The following MYZAP variants were observed in gnomAD, a reference collection of about 807,000 sequenced individuals.
MYZAP encodes myocardial zonula adherens protein.
Under a neutral mutation model 69.4 loss-of-function variants are expected in MYZAP, and 66 were observed. The ratio of observed to expected loss-of-function variants is 0.95; its 90% CI spans 0.78 to 1.17. The LOEUF (loss-of-function observed/expected upper bound fraction) is 1.17, where lower values mean the gene tolerates loss of function less well. Ranked by LOEUF, MYZAP falls within the 50% of genes most tolerant of loss-of-function variation. The pLI is 0.00. For synonymous variants in MYZAP, 256 were observed against 205.9 expected (o/e 1.24, Z -2.09); for missense variants, 611 against 556.2 (o/e 1.10, Z -0.99).
At chr15:57,599,036 T>C (rs778681564) in intron 1 of MYZAP, among the ~76,000 whole-genome samples, 7 of 152,234 alleles carry the variant, frequency 4.6e-5, no homozygotes, top group Non-Finnish European at 1.0e-4. Context: ...TACAGAGTGC[T>C]TAATGCGTGC....
chr15:57,657,980 G>A lies in MYZAP; in HGVS notation c.1120-3470G>A, dbSNP rs117949638. Among the ~76,000 whole-genome samples, 154 of 152,252 alleles carry A rather than the reference G, an allele frequency of 1.0e-3. 3 individuals are homozygous for A. In the East Asian group the frequency reaches 0.028, roughly 28 times the overall value. ...GGGTAACCATTGCTGTTTTTAATTG[G>A]TGATGTCTTTAACTATTATTAACAT... On this transcript the variant is annotated intron_variant, in intron 10 of 12. Coordinates refer to ENST00000267853, the MANE Select transcript of MYZAP (RefSeq NM_001018100.5).
chr15:57,594,203 C>A (rs1381737784), intron 1 of MYZAP, among the ~76,000 whole-genome samples: 1 of 152,180 alleles, frequency 6.6e-6, no homozygotes, highest in Non-Finnish European at 1.5e-5. Flanking sequence ...GCAGCCTCCA[C>A]CTCCCAGGTT....
chr15:57,680,567 T>C (rs2039384353), intron 12 of MYZAP: 1 of 152,066 alleles, frequency 6.6e-6, no homozygotes, highest in Non-Finnish European at 1.5e-5. Flanking sequence ...AAAACTTTGA[T>C]ATATGTTAAT....
chr15:57,667,025 A>C (rs1467249778), intron 11 of MYZAP, among the ~76,000 whole-genome samples: 8 of 152,118 alleles, frequency 5.3e-5, no homozygotes, highest in Non-Finnish European at 8.8e-5. Flanking sequence ...ATTTCGTTAC[A>C]CTTTTCTCTG....
intron 3 of MYZAP, among the ~76,000 whole-genome samples, chr15:57,619,961 T>A (rs1367222382): frequency 6.6e-6 from 1 of 152,094 alleles, no homozygotes; most frequent in Non-Finnish European, 1.5e-5. Context: ...AAACTAACTT[T>A]CAGGTCCCTC....
At chr15:57,643,161 A>G (rs767596675) in intron 10 of MYZAP, among the ~76,000 whole-genome samples, 3 of 152,218 alleles carry the variant, frequency 2.0e-5, no homozygotes, top group African/African-American at 4.8e-5. Flanking sequence ...CGGAAAATAT[A>G]GAAAAATGCC....
chr15:57,596,577 A>G (rs1410964785), intron 1 of MYZAP, among the ~76,000 whole-genome samples: 2 of 152,122 alleles, frequency 1.3e-5, no homozygotes, highest in Admixed American at 1.3e-4. Flanking sequence ...TTTCACTCTT[A>G]AAGGCCGGGG....
At chr15:57,618,401 TG>T (rs2035609381) in intron 3 of MYZAP, among the ~76,000 whole-genome samples, 1 of 152,236 alleles carries the variant, frequency 6.6e-6, no homozygotes, top group South Asian at 2.1e-4. Context: ...TTCTGCTGGA[TG>T]GATGTTACTA....
At chr15:57,651,283 G>C (rs1233020831) in intron 10 of MYZAP, among the ~76,000 whole-genome samples, 8 of 152,160 alleles carry the variant, frequency 5.3e-5, no homozygotes, top group Admixed American at 5.2e-4. Context: ...TCACTCCCTT[G>C]GACACTCCTG....
At chr15:57,666,388 CT>C (rs1441990982) in intron 11 of MYZAP, among the ~76,000 whole-genome samples, 1 of 152,162 alleles carries the variant, frequency 6.6e-6, no homozygotes, top group African/African-American at 2.4e-5. Flanking sequence ...CTCTAGAACC[CT>C]TCTTCTTTTC....
intron 7 of MYZAP, among the ~76,000 whole-genome samples, chr15:57,633,257 A>G (rs1431942507): frequency 5.3e-5 from 8 of 152,210 alleles, no homozygotes; most frequent in Admixed American, 2.6e-4. Context: ...TCTGCATTCA[A>G]TTCCAGATCT....
At chr15:57,646,286 A>G (rs1418552749) in intron 10 of MYZAP, 2 of 1,269,622 alleles carry the variant, frequency 1.6e-6, no homozygotes, top group African/African-American at 3.1e-5. Flanking sequence ...GGTGGTATTT[A>G]TCTATGATGA....
At chr15:57,600,741 C>A (rs1383398855) in intron 1 of MYZAP, among the ~76,000 whole-genome samples, 2 of 152,166 alleles carry the variant, frequency 1.3e-5, no homozygotes, top group Admixed American at 1.3e-4. Context: ...CTAAGCAGGT[C>A]TGTTTCATTT....
rs189738283 is a variant in MYZAP at position 57,635,447 on chromosome 15, T to C, written c.933+1706T>C. On this transcript the variant is annotated intron_variant, in intron 8 of 12. Coordinates refer to ENST00000267853, the MANE Select transcript of MYZAP (RefSeq NM_001018100.5). Reference sequence around the variant, plus strand: ...TGAGGTTCTGAAAGTTTCTTGTCTTTCCCCACTGATTTTCACATGGAGCCC... The same window carrying C: ...TGAGGTTCTGAAAGTTTCTTGTCTTCCCCCACTGATTTTCACATGGAGCCC... Among the ~76,000 whole-genome samples, 1,153 of 152,308 alleles carry C rather than the reference T, an allele frequency of 7.6e-3. 9 individuals are homozygous for C. Among genetic ancestry groups the C allele is most frequent in the South Asian group, 0.048 (233 of 4,812 alleles).
At chr15:57,681,768 G>A (rs6493943) in intron 12 of MYZAP, among the ~76,000 whole-genome samples, 97,327 of 151,776 alleles carry the variant, frequency 0.64, 34,870 homozygotes, top group Non-Finnish European at 0.8. Context: ...CTGGGCAAGA[G>A]AGAGAGATTT....
chr15:57,606,704 T>G (rs1044685796), intron 2 of MYZAP, among the ~76,000 whole-genome samples: 1 of 150,088 alleles, frequency 6.7e-6, no homozygotes, highest in Non-Finnish European at 1.5e-5. Context: ...ATTGTGCACA[T>G]GTACCCTAAA....
chr15:57,677,054 G>A (rs2039174429), intron 12 of MYZAP, among the ~76,000 whole-genome samples: 1 of 152,196 alleles, frequency 6.6e-6, no homozygotes, highest in South Asian at 2.1e-4. Flanking sequence ...TGCCTACTAT[G>A]TGAAAGGCGC....
chr15:57,621,991 C>G (rs12442978), intron 4 of MYZAP, among the ~76,000 whole-genome samples: 8,260 of 152,070 alleles, frequency 0.054, 288 homozygotes, highest in Admixed American at 0.11. Context: ...ACATACTGGC[C>G]AAACAAGAGA....
intron 6 of MYZAP, among the ~76,000 whole-genome samples, chr15:57,631,372 A>G (rs1389369240): frequency 6.6e-6 from 1 of 151,390 alleles, no homozygotes; most frequent in African/African-American, 2.4e-5. Flanking sequence ...TCCAGCCCAC[A>G]GTTGCCTGTT....
Sources: allele counts gnomAD v4.1 joint callset (sites outside exome capture counted in the v4.1 genomes callset), GRCh38; gene constraint gnomAD v4.1.1; transcripts MANE v1.5; gene names NCBI Gene and HGNC (gene_info 2026-07-23, HGNC 2026-07-21).